GPC5: variants seen among roughly 807,000 people sequenced by gnomAD.
GPC5 encodes glypican 5.
Under a neutral mutation model 53.9 loss-of-function variants are expected in GPC5, and 47 were observed. The observed-to-expected ratio is 0.87, with a 90% CI of 0.69 to 1.11. The LOEUF is 1.11. Ranked by LOEUF, GPC5 falls within the 50% of genes most tolerant of loss-of-function variation. The pLI, the probability that GPC5 is intolerant of heterozygous loss-of-function variation, is 0.00. For synonymous variants in GPC5, 286 were observed against 263.3 expected (o/e 1.09, Z -0.84); for missense variants, 748 against 713.1 (o/e 1.05, Z -0.56).
chr13:92,753,500 G>T (rs1447348637), intron 7 of GPC5, among the ~76,000 whole-genome samples: 1 of 152,212 alleles, frequency 6.6e-6, no homozygotes, highest in Non-Finnish European at 1.5e-5. Context: ...GATGAGCTGA[G>T]AGAAGAAGGC....
intron 2 of GPC5, among the ~76,000 whole-genome samples, chr13:91,633,935 A>T (rs1217458205): frequency 2.0e-5 from 3 of 152,118 alleles, no homozygotes; most frequent in Non-Finnish European, 4.4e-5. Context: ...AATTAGCCAG[A>T]TATAATTAGC....
intron 5 of GPC5, among the ~76,000 whole-genome samples, chr13:91,894,419 A>G (rs965872949): frequency 6.6e-6 from 1 of 152,202 alleles, no homozygotes; most frequent in South Asian, 2.1e-4. Flanking sequence ...TTAATTTTGT[A>G]CTAAGCAAAA....
At chr13:91,742,150 T>A (rs2036947923) in intron 4 of GPC5, among the ~76,000 whole-genome samples, 1 of 151,944 alleles carries the variant, frequency 6.6e-6, no homozygotes, top group South Asian at 2.1e-4. Context: ...CAGGCCAGAG[T>A]CAAGACCTAC....
At chr13:91,858,575 T>G (rs1045896514) in intron 5 of GPC5, among the ~76,000 whole-genome samples, 4 of 152,026 alleles carry the variant, frequency 2.6e-5, no homozygotes, top group African/African-American at 9.7e-5. Context: ...GCTAGTATGT[T>G]GCTGAGCATT....
intron 2 of GPC5, among the ~76,000 whole-genome samples, chr13:91,561,594 A>G (rs183144929): frequency 6.6e-6 from 1 of 151,922 alleles, no homozygotes; most frequent in East Asian, 1.9e-4. Flanking sequence ...TCAACATGGT[A>G]CCTAGTAATT....
At chr13:92,243,022 T>G (rs1219195364) in intron 7 of GPC5, among the ~76,000 whole-genome samples, 1 of 152,234 alleles carries the variant, frequency 6.6e-6, no homozygotes, top group East Asian at 1.9e-4. Flanking sequence ...TCTTGACTGA[T>G]AGTTTTCTCT....
intron 7 of GPC5, among the ~76,000 whole-genome samples, chr13:92,245,368 A>G (rs1411749): frequency 0.56 from 85,486 of 151,808 alleles, 24,320 homozygotes; most frequent in South Asian, 0.65. Context: ...TGTTTCTACC[A>G]TTTATCCCCA....
intron 7 of GPC5, among the ~76,000 whole-genome samples, chr13:92,596,380 T>C (rs1442588922): frequency 6.6e-6 from 1 of 152,126 alleles, no homozygotes; most frequent in Non-Finnish European, 1.5e-5. Context: ...AACTAAGATA[T>C]TAGAAAAATC....
intron 3 of GPC5, among the ~76,000 whole-genome samples, chr13:91,697,137 A>T (rs2035894709): frequency 6.6e-6 from 1 of 152,114 alleles, no homozygotes; most frequent in Admixed American, 6.6e-5. Flanking sequence ...TCACTGATTT[A>T]TCTGAATTTT....
intron 7 of GPC5, among the ~76,000 whole-genome samples, chr13:92,671,418 A>C (rs1182047226): frequency 1.3e-5 from 2 of 152,162 alleles, no homozygotes; most frequent in Non-Finnish European, 2.9e-5. Flanking sequence ...CCATCTATCC[A>C]TTACTCCAAA....
rs778398517 is a variant in GPC5 at position 91,574,362 on chromosome 13, G to A, written c.326-118825G>A. Reference sequence around the variant, plus strand: ...TCTAACATACTTTGTAATTCCAAGAGTCCACGAGGTAGAAGAGAGTCAGGT... The same window carrying A: ...TCTAACATACTTTGTAATTCCAAGAATCCACGAGGTAGAAGAGAGTCAGGT... On this transcript the variant is annotated intron_variant, in intron 2 of 7. Transcript: ENST00000377067. Among the ~76,000 whole-genome samples, 44 of 152,056 alleles carry A rather than the reference G, an allele frequency of 2.9e-4. 1 individual carries two copies. Among genetic ancestry groups the A allele is most frequent in the Admixed American group, 6.6e-4 (10 of 15,246 alleles).
intron 2 of GPC5, among the ~76,000 whole-genome samples, chr13:91,661,563 T>C (rs1272817751): frequency 6.6e-6 from 1 of 152,016 alleles, no homozygotes; most frequent in Non-Finnish European, 1.5e-5. Flanking sequence ...ATAAGTACTG[T>C]GGGGAAAAAA....
At chr13:92,747,046 A>G (rs1308311164) in intron 7 of GPC5, among the ~76,000 whole-genome samples, 1 of 152,124 alleles carries the variant, frequency 6.6e-6, no homozygotes, top group African/African-American at 2.4e-5. Flanking sequence ...GTATCTAAAC[A>G]TGGAAAAGGT....
chr13:92,471,546 C>A (rs1302690732), intron 7 of GPC5, among the ~76,000 whole-genome samples: 1 of 151,962 alleles, frequency 6.6e-6, no homozygotes, highest in East Asian at 1.9e-4. Context: ...GTACATCTGG[C>A]AGAGTCAGAG....
At chr13:91,551,266 T>A (rs2030620103) in intron 2 of GPC5, among the ~76,000 whole-genome samples, 1 of 152,106 alleles carries the variant, frequency 6.6e-6, no homozygotes, top group Non-Finnish European at 1.5e-5. Flanking sequence ...CTTTAAAAAA[T>A]CAGAGTGAAA....
At chr13:92,656,076 G>A (rs1012288497) in intron 7 of GPC5, among the ~76,000 whole-genome samples, 3 of 151,992 alleles carry the variant, frequency 2.0e-5, no homozygotes, top group African/African-American at 7.3e-5. Context: ...GAAAAAAAAA[G>A]AGTTATATCA....
chr13:92,371,051 AG>A, intron 7 of GPC5, among the ~76,000 whole-genome samples: 3 of 152,284 alleles, frequency 2.0e-5, no homozygotes, highest in Non-Finnish European at 4.4e-5. Context: ...TGGGAGGCTG[AG>A]GCAGGGATAA....
At chr13:92,067,492 T>G (rs918712236) in intron 6 of GPC5, among the ~76,000 whole-genome samples, 2 of 152,008 alleles carry the variant, frequency 1.3e-5, no homozygotes, top group Non-Finnish European at 2.9e-5. Flanking sequence ...TCTCAAATAG[T>G]ATGCAAACAG....
At chr13:92,721,155 C>G (rs1247481854) in intron 7 of GPC5, among the ~76,000 whole-genome samples, 5 of 151,942 alleles carry the variant, frequency 3.3e-5, no homozygotes, top group Non-Finnish European at 7.4e-5. Flanking sequence ...GTCAAAAATC[C>G]TTCCTGGTGC....
Sources: gnomAD v4.1 joint callset for allele counts (sites outside exome capture counted in the v4.1 genomes callset) on GRCh38, gnomAD v4.1.1 for gene constraint, MANE v1.5 for transcripts, NCBI Gene and HGNC (gene_info 2026-07-23, HGNC 2026-07-21) for gene names.